Variants in PDE8A observed in about 807,000 individuals in gnomAD.
PDE8A encodes the protein phosphodiesterase 8A.
Under a neutral mutation model 105.0 loss-of-function variants are expected in PDE8A, and 59 were observed. That is an observed-to-expected ratio of 0.56 (90% CI 0.46 to 0.70). The LOEUF is 0.70. Ranked by LOEUF, PDE8A falls within the 30% of genes least tolerant of loss-of-function variation. PDE8A has a pLI of 0.00. For synonymous variants in PDE8A, 355 were observed against 371.9 expected, an observed-to-expected ratio of 0.95 and a Z score of 0.52; for missense variants, 1,014 against 1,045.9, an observed-to-expected ratio of 0.97 and a Z score of 0.42.
In PDE8A at chr15:85,089,319, T is replaced by A. The variant is rs779009148; in HGVS notation, c.636-19T>A. The A allele has an allele frequency of 3.0e-6, 4 of 1,326,298 alleles. No individual in the cohort carries two copies. Among genetic ancestry groups the A allele is most frequent in the Middle Eastern group, 4.0e-4 (2 of 4,954 alleles). 82.2% of individuals were successfully genotyped at this position (1,326,298 alleles called of 1,614,324 possible). A position where few individuals can be genotyped will look rare whatever the true frequency, so the allele number is the denominator to read the frequency against. On this transcript the variant is annotated intron_variant, in intron 6 of 21. Coordinates refer to ENST00000394553, the MANE Select transcript of PDE8A (RefSeq NM_002605.3). Reference sequence around the variant, plus strand: ...GTAGTATTTACATTAATCATTCCTTTTTTTGTTTACTCATAAAGGGCTTGT... The same window carrying A: ...GTAGTATTTACATTAATCATTCCTTATTTTGTTTACTCATAAAGGGCTTGT...
intron 20 of PDE8A, among the ~76,000 whole-genome samples, chr15:85,134,154 G>C (rs2082369082): frequency 6.6e-6 from 1 of 152,222 alleles, no homozygotes; most frequent in Non-Finnish European, 1.5e-5. Context: ...AGAAATCTAA[G>C]CACGAGGGTC....
intron 1 of PDE8A, among the ~76,000 whole-genome samples, chr15:85,053,902 C>T (rs999586127): frequency 1.3e-5 from 2 of 152,212 alleles, no homozygotes; most frequent in African/African-American, 4.8e-5. Flanking sequence ...TGCCAGTTTT[C>T]AAAGGGAATG....
chr15:85,118,170 C>T (rs2082125667), intron 17 of PDE8A, among the ~76,000 whole-genome samples: 1 of 152,122 alleles, frequency 6.6e-6, no homozygotes, highest in Admixed American at 6.5e-5. Flanking sequence ...GTTGGATATC[C>T]CCACTTTAGG....
Position 85,100,174 on chromosome 15 carries a change from T to C in PDE8A, c.1012T>C (p.Cys338Arg). 1.2e-6 allele frequency: 2 copies of C among 1,613,944 alleles called. No individual in the cohort carries two copies. The highest frequency in any genetic ancestry group is 1.7e-6 in the Non-Finnish European group (2 of 1,179,772). Residue 338 changes from cysteine to arginine, a missense_variant, in exon 11 of 22, where the codon TGT becomes CGT. Physicochemically the swap from Cys to Arg is radical, Grantham distance 180 (BLOSUM62 -3). Coordinates refer to ENST00000394553, the MANE Select transcript of PDE8A (RefSeq NM_002605.3). ...CTTTTAGGCTGAGAAAATATCCGAA[T>C]GTGTTCAGTCTGACACTCATACAGG... ...GNNKAEKISECVQSDTHTDNQ... is the reference protein window; with the variant it reads ...GNNKAEKISERVQSDTHTDNQ...
At chr15:85,039,085 C>T (rs147403500) in intron 1 of PDE8A, among the ~76,000 whole-genome samples, 113 of 150,834 alleles carry the variant, frequency 7.5e-4, no homozygotes, top group African/African-American at 2.6e-3. Flanking sequence ...TGTGCCATTG[C>T]ACTCCAGCCT....
chr15:85,017,536 T>G lies in PDE8A; in HGVS notation c.186+35188T>G, dbSNP rs186331526. Among the ~76,000 whole-genome samples, 8 of 152,282 alleles carry G rather than the reference T, an allele frequency of 5.3e-5. No individual in the cohort carries two copies. The Middle Eastern group carries it at 0.017, about 324-fold the overall frequency. ...AAAATAGTGTGTCTTGTTTCTAACTTTGTCAGGAAAGTTCTAGTTTTTCCC... is the reference window on the plus strand; with the variant it reads ...AAAATAGTGTGTCTTGTTTCTAACTGTGTCAGGAAAGTTCTAGTTTTTCCC... On this transcript the variant is annotated intron_variant, in intron 1 of 21. Transcript: ENST00000394553.
intron 20 of PDE8A, among the ~76,000 whole-genome samples, chr15:85,131,425 T>C (rs1165176121): frequency 1.3e-5 from 2 of 152,214 alleles, no homozygotes; most frequent in African/African-American, 4.8e-5. Flanking sequence ...CCTTTTTCTA[T>C]AGATAGTTGC....
At chr15:85,134,452 G>T (rs533211904) in intron 20 of PDE8A, among the ~76,000 whole-genome samples, 2 of 152,288 alleles carry the variant, frequency 1.3e-5, no homozygotes, top group South Asian at 4.1e-4. Context: ...GCAGAGACTC[G>T]TGTAGGGCTG....
chr15:85,094,250 G>T (rs1413895890), intron 8 of PDE8A, among the ~76,000 whole-genome samples: 1 of 152,074 alleles, frequency 6.6e-6, no homozygotes, highest in African/African-American at 2.4e-5. Context: ...GTAAATGGTG[G>T]CTACTTAGAT....
rs369738711 is a variant in PDE8A at position 85,113,365 on chromosome 15, C to T, written c.1115-12C>T. 36 of 1,613,196 alleles carry T rather than the reference C, an allele frequency of 2.2e-5. No homozygotes were observed. The African/African-American group carries it at 4.4e-4, about 20-fold the overall frequency. On this transcript the variant is annotated splice_polypyrimidine_tract_variant and intron_variant, in intron 12 of 21. Coordinates refer to ENST00000394553, the MANE Select transcript of PDE8A (RefSeq NM_002605.3). ...TGTGCATGCCCTGATTTGTGCATCCCTTTCTCCACAGTTTCCAGCCAGAGA... is the reference window on the plus strand; with the variant it reads ...TGTGCATGCCCTGATTTGTGCATCCTTTTCTCCACAGTTTCCAGCCAGAGA...
intron 8 of PDE8A, among the ~76,000 whole-genome samples, chr15:85,096,284 G>C (rs530210306): frequency 6.6e-6 from 1 of 151,960 alleles, no homozygotes; most frequent in South Asian, 2.1e-4. Flanking sequence ...TGCCATACAA[G>C]TCACCCATTG....
At position 85,091,055 on chromosome 15, in the gene PDE8A, T is replaced by C. The variant is rs906984530; in HGVS notation, c.726T>C (p.Pro242=). ...SEDRFIQYAN[P]AFETTMGYQS... ...TTGTCTCCCTTCAGTATGCAAATCC[T>C]GCATTTGAAACAACAATGGGCTATC... Residue 242 remains proline (P), a synonymous_variant, in exon 8 of 22, where the codon CCT becomes CCC. Transcript: ENST00000394553. The C allele has an allele frequency of 3.1e-6, 5 of 1,608,560 alleles. No homozygotes were observed. Among genetic ancestry groups the C allele is most frequent in the Admixed American group, 3.4e-5 (2 of 58,198 alleles).
intron 13 of PDE8A, 133 bp downstream of exon 13, chr15:85,113,580 C>A: frequency 1.2e-6 from 1 of 800,322 alleles, no homozygotes; most frequent in Non-Finnish European, 2.2e-6. Flanking sequence ...CTAGTAGCCT[C>A]CTCTGAAGAG....
chr15:85,040,190 C>G (rs970147558), intron 1 of PDE8A, among the ~76,000 whole-genome samples: 2 of 151,928 alleles, frequency 1.3e-5, no homozygotes, highest in African/African-American at 4.8e-5. Context: ...CGCCTATAGT[C>G]CTAGCTACTT....
chr15:85,109,452 T>C (rs2081990953), intron 12 of PDE8A, among the ~76,000 whole-genome samples: 1 of 152,206 alleles, frequency 6.6e-6, no homozygotes. Context: ...TTCTTAAAGA[T>C]CTATCCCATC....
At chr15:85,123,312 T>C in intron 19 of PDE8A, 119 bp downstream of exon 19, 2 of 774,356 alleles carry the variant, frequency 2.6e-6, no homozygotes, top group Non-Finnish European at 4.4e-6. Context: ...TCTATTAGAC[T>C]CTTACAGGGA....
At chr15:85,029,855 TG>T (rs1483185553) in intron 1 of PDE8A, among the ~76,000 whole-genome samples, 2 of 152,176 alleles carry the variant, frequency 1.3e-5, no homozygotes, top group Non-Finnish European at 2.9e-5. Flanking sequence ...GGAAGTCAAG[TG>T]TCACTCATAT....
chr15:85,120,968 C>A lies in PDE8A; in HGVS notation c.1906C>A (p.Leu636Met), dbSNP rs769934168. 2.9e-5 allele frequency: 47 copies of A among 1,613,620 alleles called. No homozygotes were observed. The highest frequency in any genetic ancestry group is 1.7e-4 in the Middle Eastern group (1 of 6,050). The change falls in exon 18 of 22, where the codon CTG (leucine) becomes ATG (methionine). Residue 636 changes from leucine (L) to methionine (M), a missense_variant. Physicochemically the swap from Leu to Met is conservative, Grantham distance 15 (BLOSUM62 2). Transcript: ENST00000394553. The stretch of plus-strand genomic sequence containing the variant: ...CCACCATGCGGCCTTGGCCTTCCAG[C>A]TGACCACTGGAGATGATAAATGCAA... Reference protein sequence around the residue: ...ESHHAALAFQLTTGDDKCNIF... With the variant: ...ESHHAALAFQMTTGDDKCNIF...
chr15:85,134,598 A>G (rs1223921844), intron 20 of PDE8A, among the ~76,000 whole-genome samples: 1 of 151,830 alleles, frequency 6.6e-6, no homozygotes, highest in Non-Finnish European at 1.5e-5. Flanking sequence ...AACAGCAGGA[A>G]CTCTTCTGAC....
Sources: gnomAD v4.1 joint callset for allele counts (sites outside exome capture counted in the v4.1 genomes callset) on GRCh38, gnomAD v4.1.1 for gene constraint, MANE v1.5 for transcripts, NCBI Gene and HGNC (gene_info 2026-07-23, HGNC 2026-07-21) for gene names.